The following FGF14 variants were observed in gnomAD, a reference collection of about 807,000 sequenced individuals.
FGF14 encodes the protein fibroblast growth factor homologous factor 4.
Under a neutral mutation model 25.5 loss-of-function variants are expected in FGF14, and 5 were observed. That is an observed-to-expected ratio of 0.20 (90% CI 0.10 to 0.41). The LOEUF (loss-of-function observed/expected upper bound fraction) is 0.41, where lower values mean the gene tolerates loss of function less well. Among genes scored for constraint, FGF14 ranks in the 10% least tolerant of loss-of-function variants. The probability of loss-of-function intolerance (pLI) is 1.00; values close to 1 mark genes in which losing one functional copy is unlikely to be tolerated. For missense variants in FGF14, 222 were observed against 320.1 expected (o/e 0.69, Z 2.34); for synonymous variants, 138 against 118.3 (o/e 1.17, Z -1.08).
intron 3 of FGF14, among the ~76,000 whole-genome samples, chr13:101,776,766 A>G (rs1386252101): frequency 1.3e-5 from 2 of 152,222 alleles, no homozygotes; most frequent in Non-Finnish European, 1.5e-5. Context: ...TTCTTTGTAC[A>G]TTCAAAATAC....
At chr13:101,854,610 A>G (rs2044028426) in intron 3 of FGF14, among the ~76,000 whole-genome samples, 1 of 152,108 alleles carries the variant, frequency 6.6e-6, no homozygotes, top group Non-Finnish European at 1.5e-5. Context: ...CTTGGAAAGC[A>G]TTTCAAATGT....
chr13:102,400,917 G>C lies in FGF14; in HGVS notation c.208+554C>G, dbSNP rs916480454. Among the ~76,000 whole-genome samples the C allele has an allele frequency of 6.6e-6, 1 of 152,094 alleles. No individual in the cohort carries two copies. Among genetic ancestry groups the C allele is most frequent in the Non-Finnish European group, 1.5e-5 (1 of 68,022 alleles). ...GACAGGGGGAATGAGTTAATGCTCG[G>C]GCACCCGGAGCTGGACGGGGGAGGG... On this transcript the variant is annotated intron_variant, in intron 1 of 4. Transcript: ENST00000376131. This position sits in a 1 kb window ranked among gnomAD's most constrained non-coding sequence, Gnocchi z 4.3.
In FGF14 at chr13:102,308,934, A is replaced by AAAAAAAAAAAAAAAAAC. The variant is rs1555398892; in HGVS notation, c.208+92536_208+92537insGTTTTTTTTTTTTTTTT. On this transcript the variant is annotated intron_variant, in intron 1 of 4. Coordinates refer to the FGF14 transcript ENST00000376131. ...TCTTATACAAAAAAAAAAAAAAAAA[A>AAAAAAAAAAAAAAAAAC]CACAAAAAAAACAGACCCTAGAAAA... Among the ~76,000 whole-genome samples, 3 of 139,680 alleles carry AAAAAAAAAAAAAAAAAC rather than the reference A, an allele frequency of 2.1e-5. 1 individual carries two copies. Among genetic ancestry groups the AAAAAAAAAAAAAAAAAC allele is most frequent in the African/African-American group, 5.5e-5 (2 of 36,556 alleles). 91.6% of individuals were successfully genotyped at this position (139,680 alleles called of 152,430 possible).
At position 102,251,677 on chromosome 13, in the gene FGF14, C is replaced by T. The variant is rs16959997; in HGVS notation, c.208+149794G>A. ...ATGCTCTGCACAATCAGAGGAGACA[C>T]CTTTTCCAAATTCACGTTGGGGCAA... is the stretch of plus-strand genomic sequence containing the variant. On this transcript the variant is annotated intron_variant, in intron 1 of 4. Coordinates refer to the FGF14 transcript ENST00000376131. Among the ~76,000 whole-genome samples the T allele has an allele frequency of 5.5e-3, 833 of 152,226 alleles. 8 individuals carry two copies. The highest frequency in any genetic ancestry group is 0.019 in the African/African-American group (782 of 41,532).
intron 1 of FGF14, among the ~76,000 whole-genome samples, chr13:102,185,088 T>C (rs1011146024): frequency 1.1e-4 from 17 of 152,134 alleles, no homozygotes; most frequent in African/African-American, 3.9e-4. Flanking sequence ...AATTAAAAAT[T>C]TATTTTTAAA....
At chr13:102,023,814 A>C (rs2040793182) in intron 1 of FGF14, among the ~76,000 whole-genome samples, 1 of 152,034 alleles carries the variant, frequency 6.6e-6, no homozygotes, top group South Asian at 2.1e-4. Context: ...GGGCATTGGC[A>C]TAAGGATCAT....
chr13:102,170,594 A>T (rs2048207525), intron 1 of FGF14, among the ~76,000 whole-genome samples: 1 of 152,140 alleles, frequency 6.6e-6, no homozygotes, highest in East Asian at 1.9e-4. Flanking sequence ...ATGACCAAGG[A>T]CACAAGGCAG....
chr13:101,884,669 C>A (rs895149643), intron 1 of FGF14, among the ~76,000 whole-genome samples: 6 of 152,032 alleles, frequency 3.9e-5, no homozygotes, highest in African/African-American at 4.8e-5. Flanking sequence ...AATGCATTCC[C>A]TGTCGCTGAA....
At chr13:102,250,070 C>G (rs1171206595) in intron 1 of FGF14, among the ~76,000 whole-genome samples, 1 of 152,048 alleles carries the variant, frequency 6.6e-6, no homozygotes, top group Non-Finnish European at 1.5e-5. Flanking sequence ...CATGTGTTCC[C>G]TATCAATGGA....
Position 102,084,293 on chromosome 13 carries a change from C to A in FGF14, c.209-208997G>T, listed in dbSNP as rs187911041. On this transcript the variant is annotated intron_variant, in intron 1 of 4. Transcript: ENST00000376131. ...CTCTATTGTAATTATTCTTGCCCTA[C>A]TAGAATATCAACTCCATTTTGGTAA... Among the ~76,000 whole-genome samples the A allele has an allele frequency of 1.8e-3, 270 of 152,262 alleles. 1 individual carries two copies. The highest frequency in any genetic ancestry group is 3.1e-3 in the Non-Finnish European group (208 of 68,016).
intron 1 of FGF14, among the ~76,000 whole-genome samples, chr13:102,141,037 CCAA>C (rs2046621926): frequency 6.6e-6 from 1 of 152,208 alleles, no homozygotes; most frequent in Admixed American, 6.5e-5. Context: ...TAACTCACCA[CCAA>C]CATTTGACAG....
intron 1 of FGF14, among the ~76,000 whole-genome samples, chr13:102,216,887 T>C (rs1444684808): frequency 6.6e-6 from 1 of 152,200 alleles, no homozygotes; most frequent in East Asian, 1.9e-4. Flanking sequence ...AGATTCCACA[T>C]ATGAATGAGG....
chr13:102,316,725 T>C (rs1012214272), intron 1 of FGF14, among the ~76,000 whole-genome samples: 2 of 152,246 alleles, frequency 1.3e-5, no homozygotes, highest in Non-Finnish European at 2.9e-5. Flanking sequence ...TTTAACCTTT[T>C]TGTTCAGATG....
intron 1 of FGF14, among the ~76,000 whole-genome samples, chr13:102,252,589 A>G (rs1238199158): frequency 6.6e-6 from 1 of 152,078 alleles, no homozygotes; most frequent in Non-Finnish European, 1.5e-5. Context: ...AATACCTAAT[A>G]TGATGCAAAT....
At chr13:101,854,850 A>G (rs955269369) in intron 3 of FGF14, among the ~76,000 whole-genome samples, 1 of 152,030 alleles carries the variant, frequency 6.6e-6, no homozygotes, top group Non-Finnish European at 1.5e-5. Context: ...TGAATTATAG[A>G]TCTTACACAA....
At chr13:101,929,317 T>C (rs1260931442) in intron 1 of FGF14, among the ~76,000 whole-genome samples, 5 of 152,166 alleles carry the variant, frequency 3.3e-5, no homozygotes, top group Non-Finnish European at 5.9e-5. Context: ...AGTCACCAGC[T>C]AGTCAAGGTG....
intron 1 of FGF14, among the ~76,000 whole-genome samples, chr13:102,357,393 G>A (rs539856775): frequency 2.6e-5 from 4 of 152,098 alleles, no homozygotes; most frequent in South Asian, 4.2e-4. Context: ...CAGGATACAC[G>A]GAAGTTCTAC....
intron 3 of FGF14, among the ~76,000 whole-genome samples, chr13:101,732,506 C>G (rs1177500925): frequency 6.6e-6 from 1 of 152,164 alleles, no homozygotes. Flanking sequence ...ATTCAGTCCC[C>G]TCCCAGTAAC....
intron 1 of FGF14, among the ~76,000 whole-genome samples, chr13:102,336,479 G>T (rs1365696659): frequency 6.6e-6 from 1 of 151,646 alleles, no homozygotes; most frequent in Non-Finnish European, 1.5e-5. Context: ...AAGGTTTAGG[G>T]AAAAAAAAGC....
Sources: allele counts gnomAD v4.1 joint callset (sites outside exome capture counted in the v4.1 genomes callset), GRCh38; gene constraint gnomAD v4.1.1; non-coding constraint Gnocchi (gnomAD v3.1); transcripts MANE v1.5; gene names NCBI Gene and HGNC (gene_info 2026-07-23, HGNC 2026-07-21).